The following LARGE1 variants were observed in gnomAD, a reference collection of about 807,000 sequenced individuals.
LARGE1 encodes the protein xylosyl- and glucuronyltransferase LARGE1.
In LARGE1, 43 loss-of-function variants were observed where a neutral mutation model predicts 87.6. The ratio of observed to expected loss-of-function variants is 0.49; its 90% CI spans 0.38 to 0.63. The LOEUF is 0.63. LARGE1 is among the 30% of genes least tolerant of loss of function. LARGE1 has a pLI of 0.00. For synonymous variants in LARGE1, 434 were observed against 394.6 expected, an observed-to-expected ratio of 1.10 and a Z score of -1.18; for missense variants, 802 against 1,000.2, an observed-to-expected ratio of 0.80 and a Z score of 2.67.
chr22:33,623,621 A>C (rs1240249735), intron 4 of LARGE1, among the ~76,000 whole-genome samples: 1 of 151,924 alleles, frequency 6.6e-6, no homozygotes, highest in Non-Finnish European at 1.5e-5. Flanking sequence ...AGGTCAGCCC[A>C]GTAGAAACAA....
chr22:33,620,171 A>C (rs1215810991), intron 4 of LARGE1, among the ~76,000 whole-genome samples: 3 of 152,244 alleles, frequency 2.0e-5, no homozygotes, highest in East Asian at 3.8e-4. Context: ...GTGAAGTTTA[A>C]AAAAACAAAA....
intron 11 of LARGE1, among the ~76,000 whole-genome samples, chr22:33,228,343 C>T (rs1482984502): frequency 6.6e-6 from 1 of 152,264 alleles, no homozygotes; most frequent in Non-Finnish European, 1.5e-5. Context: ...CATCCTTACA[C>T]TGACTGCTAC....
chr22:33,155,183 C>A, the LARGE1 span, among the ~76,000 whole-genome samples: 1 of 152,174 alleles, frequency 6.6e-6, no homozygotes, highest in South Asian at 2.1e-4. Flanking sequence ...TGGGGTGCTG[C>A]TGAAAAGATA....
chr22:33,373,117 T>C (rs1372888310), intron 9 of LARGE1, among the ~76,000 whole-genome samples: 1 of 152,202 alleles, frequency 6.6e-6, no homozygotes, highest in Admixed American at 6.5e-5. Context: ...TTATGAAGGA[T>C]AAATTTATAA....
intron 2 of LARGE1, among the ~76,000 whole-genome samples, chr22:33,718,732 C>T (rs1168399422): frequency 1.3e-5 from 2 of 152,208 alleles, no homozygotes; most frequent in Non-Finnish European, 2.9e-5. Flanking sequence ...TAATCCTGAA[C>T]CTGTGTGGGT....
Position 33,900,646 on chromosome 22 carries a change from T to C in LARGE1, c.-83+19349A>G, listed in dbSNP as rs908202510. Reference sequence around the variant, plus strand: ...GACATGAGGAAGTCCTAACCCCTGGTACCTCAAATTGTGACCTTCATTGGA... The same window carrying C: ...GACATGAGGAAGTCCTAACCCCTGGCACCTCAAATTGTGACCTTCATTGGA... On this transcript the variant is annotated intron_variant, in intron 1 of 14. Coordinates refer to ENST00000397394, the MANE Select transcript of LARGE1 (RefSeq NM_133642.5). 1.6e-4 allele frequency among the ~76,000 whole-genome samples: 24 copies of C among 152,342 alleles called. No individual in the cohort carries two copies. In the Middle Eastern group the frequency reaches 0.01, roughly 65 times the overall value.
intron 6 of LARGE1, among the ~76,000 whole-genome samples, chr22:33,535,919 A>G (rs558497264): frequency 3.9e-5 from 6 of 152,104 alleles, no homozygotes; most frequent in African/African-American, 1.4e-4. Context: ...GCCTTCTTTT[A>G]TTCCTTTCCT....
In LARGE1 at chr22:33,749,414, T is replaced by C. The variant is rs1601518330; in HGVS notation, c.106+11957A>G. The stretch of plus-strand genomic sequence containing the variant: ...AGCTGTGAGCCACAGCGCCCAGCCC[T>C]GTGCTCTCCTTTTTATGGAGAAGAA... On this transcript the variant is annotated intron_variant, in intron 2 of 14. Transcript: ENST00000397394. Among the ~76,000 whole-genome samples, 4 of 152,308 alleles carry C rather than the reference T, an allele frequency of 2.6e-5. 1 individual carries two copies. Among genetic ancestry groups the C allele is most frequent in the Admixed American group, 2.6e-4 (4 of 15,302 alleles).
chr22:33,097,506 A>G, the LARGE1 span, among the ~76,000 whole-genome samples: 2 of 152,256 alleles, frequency 1.3e-5, no homozygotes, highest in Non-Finnish European at 2.9e-5. Context: ...GAAAAGGAGC[A>G]GCAGAAGAGA....
Position 33,225,290 on chromosome 22 carries a change from C to T in LARGE1, c.1731-58458G>A, listed in dbSNP as rs545275398. 1.1e-4 allele frequency among the ~76,000 whole-genome samples: 17 copies of T among 152,218 alleles called. No homozygotes were observed. In the South Asian group the frequency reaches 1.5e-3, roughly 13 times the overall value. The stretch of plus-strand genomic sequence containing the variant: ...GGACACAAGGAAGCCACTGCCCTCT[C>T]GGCACTAGTTCTGGGTGCCTTGGGA... On this transcript the variant is annotated intron_variant, in intron 11 of 11. Transcript: ENST00000608642.
intron 6 of LARGE1, among the ~76,000 whole-genome samples, chr22:33,454,543 C>T (rs931163867): frequency 4.7e-5 from 7 of 149,944 alleles, no homozygotes; most frequent in Admixed American, 1.3e-4. Context: ...TGCTTGAATC[C>T]GGGAGGCGGA....
chr22:33,783,794 C>A (rs1170733924), intron 1 of LARGE1, among the ~76,000 whole-genome samples: 1 of 152,138 alleles, frequency 6.6e-6, no homozygotes, highest in African/African-American at 2.4e-5. Flanking sequence ...ATGATTCTGA[C>A]AATCACTGCT....
At chr22:33,750,366 G>T (rs1184957521) in intron 2 of LARGE1, among the ~76,000 whole-genome samples, 3 of 152,132 alleles carry the variant, frequency 2.0e-5, no homozygotes, top group African/African-American at 7.2e-5. Context: ...GACTTCTTAT[G>T]TGCAATCTCC....
At position 33,274,606 on chromosome 22, in the gene LARGE1, G is replaced by A; in HGVS notation, c.2092C>T (p.Leu698=). 1 of 1,614,148 alleles carries A rather than the reference G, an allele frequency of 6.2e-7. No homozygotes were observed. Among genetic ancestry groups the A allele is most frequent in the Non-Finnish European group, 8.5e-7 (1 of 1,179,992 alleles). Reference sequence around the variant, plus strand: ...ATGTGGATCATGTAGGCGTTGGGCAGCACAATGAACTCATACTCCTGGAAG... The same window carrying A: ...ATGTGGATCATGTAGGCGTTGGGCAACACAATGAACTCATACTCCTGGAAG... ...LDVQEYEFIV[L]PNAYMIHMPH... Residue 698 remains leucine (L), a synonymous_variant, in exon 15 of 15, where the codon CTG becomes TTG. Coordinates refer to ENST00000397394, the MANE Select transcript of LARGE1 (RefSeq NM_133642.5).
At chr22:33,262,301 C>T (rs1927676408) in intron 11 of LARGE1, among the ~76,000 whole-genome samples, 1 of 152,206 alleles carries the variant, frequency 6.6e-6, no homozygotes, top group African/African-American at 2.4e-5. Context: ...GTCCCTTCTC[C>T]TTTGATTTCA....
chr22:33,473,659 G>A (rs781620308), intron 6 of LARGE1, among the ~76,000 whole-genome samples: 51 of 152,220 alleles, frequency 3.4e-4, no homozygotes, highest in Non-Finnish European at 6.2e-4. Context: ...TGGCTAGGCT[G>A]GTCTCGAACT....
intron 12 of LARGE1, among the ~76,000 whole-genome samples, chr22:33,286,990 C>T (rs554682859): frequency 2.8e-5 from 4 of 143,202 alleles, no homozygotes; most frequent in Non-Finnish European, 4.4e-5. Flanking sequence ...AGGCTGAGCA[C>T]ATCAGTTTCT....
chr22:33,889,906 T>C (rs950305067), intron 1 of LARGE1, among the ~76,000 whole-genome samples: 3 of 152,228 alleles, frequency 2.0e-5, no homozygotes, highest in Non-Finnish European at 4.4e-5. Flanking sequence ...CCTTGTGTAG[T>C]GTGAAACCTC....
At chr22:33,797,830 G>A (rs2086033167) in intron 1 of LARGE1, among the ~76,000 whole-genome samples, 1 of 152,208 alleles carries the variant, frequency 6.6e-6, no homozygotes, top group South Asian at 2.1e-4. Flanking sequence ...TCTTATCTCA[G>A]CTTTGCCATT....
Sources: allele counts gnomAD v4.1 joint callset (sites outside exome capture counted in the v4.1 genomes callset), GRCh38; gene constraint gnomAD v4.1.1; transcripts MANE v1.5; gene names NCBI Gene and HGNC (gene_info 2026-07-23, HGNC 2026-07-21).